The following TLE2 variants were observed in gnomAD, a reference collection of about 807,000 sequenced individuals.
TLE2 encodes transducin-like enhancer protein 2.
A neutral mutation model predicts 97.2 loss-of-function variants in TLE2; 74 were observed. The observed-to-expected ratio is 0.76, with a 90% CI of 0.63 to 0.92. TLE2 has a LOEUF of 0.92. Among genes scored for constraint, TLE2 ranks in the 40% least tolerant of loss-of-function variants. TLE2 has a pLI of 0.00. For synonymous variants in TLE2, 499 were observed against 432.1 expected (o/e 1.15, Z -1.92); for missense variants, 1,038 against 1,008.7 (o/e 1.03, Z -0.39).
upstream of TLE2, chr19:3,029,562 G>GAGGC (rs941304896): frequency 2.5e-4 from 205 of 816,150 alleles, 10 homozygotes; most frequent in Non-Finnish European, 3.0e-4. Flanking sequence ...TGGGAGCGGG[G>GAGGC]GGGGGGGCTT....
At chr19:3,008,637 G>C (rs1196100924) in intron 14 of TLE2, among the ~76,000 whole-genome samples, 1 of 152,152 alleles carries the variant, frequency 6.6e-6, no homozygotes. Flanking sequence ...TTTTAGCAGA[G>C]ACATGGTTTT....
At chr19:3,012,915 C>G (rs2089627419) in intron 11 of TLE2, among the ~76,000 whole-genome samples, 1 of 152,250 alleles carries the variant, frequency 6.6e-6, no homozygotes, top group Middle Eastern at 3.4e-3. Flanking sequence ...AGGGAGGACC[C>G]CTGAGGGCTT....
chr19:2,997,784 G>A lies in TLE2; in HGVS notation c.*64C>T. ...AGGGCTGGGAGGCGGCTGCTAGGAT[G>A]TCTGTCCTGGCTGCTGATTCCCCTG... On this transcript the variant is annotated 3_prime_UTR_variant, in exon 20 of 20. Transcript: ENST00000262953. 8.0e-7 allele frequency: 1 copy of A among 1,249,172 alleles called. No individual in the cohort carries two copies. Among genetic ancestry groups the A allele is most frequent in the African/African-American group, 1.5e-5 (1 of 67,132 alleles). The allele number at this position is 1,249,172 out of a possible 1,614,324, so 77.4% of individuals were successfully genotyped here. A position where few individuals can be genotyped will look rare whatever the true frequency, so the allele number is the denominator to read the frequency against.
At chr19:3,005,183 G>A (rs1057307078) in intron 17 of TLE2, among the ~76,000 whole-genome samples, 1 of 152,162 alleles carries the variant, frequency 6.6e-6, no homozygotes, top group African/African-American at 2.4e-5. Context: ...CTGGACAAAA[G>A]CAGGTGGGGA....
In TLE2 at chr19:3,019,814, C is replaced by T; in HGVS notation, c.295-41G>A. 1 of 1,593,108 alleles carries T rather than the reference C, an allele frequency of 6.3e-7. No homozygotes were observed. Among genetic ancestry groups the T allele is most frequent in the Non-Finnish European group, 8.5e-7 (1 of 1,171,002 alleles). ...GATCAGGTAGAGGGTACATTGAGCC[C>T]CTGCTCATGCTAGCGGTGCCCTTGG... On this transcript the variant is annotated intron_variant, in intron 5 of 19. Coordinates refer to ENST00000262953, the MANE Select transcript of TLE2 (RefSeq NM_003260.5). The surrounding 1 kb of genome is among the most constrained non-coding windows in gnomAD (Gnocchi z 5.1).
At chr19:3,021,607 T>C (rs1002610927) in intron 5 of TLE2, among the ~76,000 whole-genome samples, 4 of 152,018 alleles carry the variant, frequency 2.6e-5, no homozygotes, top group Admixed American at 2.6e-4. Flanking sequence ...TTTTGAGACG[T>C]AGTCTCACTC....
chr19:3,044,479 G>T (rs1366606661), intron 1 of TLE2, among the ~76,000 whole-genome samples: 1 of 152,162 alleles, frequency 6.6e-6, no homozygotes, highest in East Asian at 1.9e-4. Flanking sequence ...GAGTGCAGTG[G>T]CACGATTTCT....
intron 19 of TLE2, among the ~76,000 whole-genome samples, chr19:2,999,421 A>G (rs929818876): frequency 1.3e-5 from 2 of 152,164 alleles, no homozygotes; most frequent in African/African-American, 4.8e-5. Context: ...ATCACTGCTG[A>G]TGGGGATATA....
Position 3,006,447 on chromosome 19 carries a change from C to T in TLE2, c.1473G>A (p.Lys491=). ...GGCAGTCGAGCTGGGCCACGGGCGT[C>T]TTGGCCCCAGGCTGGCCCACGTCCC... ...KVWDVGQPGA[K]TPVAQLDCLN... is the part of the protein sequence containing the mutation. Residue 491 remains lysine (K), a synonymous_variant, in exon 15 of 20, where the codon AAG becomes AAA. Transcript: ENST00000262953. The T allele has an allele frequency of 1.2e-6, 2 of 1,610,704 alleles. No individual in the cohort carries two copies. Among genetic ancestry groups the T allele is most frequent in the South Asian group, 1.1e-5 (1 of 90,874 alleles).
At chr19:3,005,682 C>A (rs776077156) in intron 16 of TLE2, 39 bp downstream of exon 16, 1 of 1,607,760 alleles carries the variant, frequency 6.2e-7, no homozygotes, top group Non-Finnish European at 8.5e-7. Flanking sequence ...CGAGAGCGGC[C>A]GGGGGCTTGC....
At chr19:3,041,922 CG>C (rs1056459853) in intron 1 of TLE2, among the ~76,000 whole-genome samples, 11 of 77,876 alleles carry the variant, frequency 1.4e-4, no homozygotes, top group South Asian at 2.9e-4. Flanking sequence ...GCTGCCTTTG[CG>C]GGGGGCCCCG....
At chr19:3,018,900 A>C (rs943116952) in intron 7 of TLE2, among the ~76,000 whole-genome samples, 22 of 150,240 alleles carry the variant, frequency 1.5e-4, no homozygotes, top group Non-Finnish European at 1.3e-4. Context: ...TTACAGGCAT[A>C]AGCCACCATG....
At chr19:3,023,941 T>A (rs2089896124) in intron 5 of TLE2, among the ~76,000 whole-genome samples, 1 of 149,878 alleles carries the variant, frequency 6.7e-6, no homozygotes, top group Admixed American at 6.7e-5. Context: ...AAACAGGGAC[T>A]GTGCAAAGGT....
intron 12 of TLE2, among the ~76,000 whole-genome samples, chr19:3,009,978 G>A (rs1318552546): frequency 6.6e-6 from 1 of 151,554 alleles, no homozygotes; most frequent in African/African-American, 2.4e-5. Flanking sequence ...TCTGCCTCCT[G>A]GGTTCAAGCA....
Position 3,002,411 on chromosome 19 carries a change from C to A in TLE2, c.1989G>T (p.Glu663Asp). The A allele has an allele frequency of 1.9e-6, 3 of 1,613,732 alleles. No homozygotes were observed. The highest frequency in any genetic ancestry group is 2.5e-6 in the Non-Finnish European group (3 of 1,179,850). ...TCTCGTGGAGGTGCAGCTGGTATTT[C>A]TCCGGCTTGCGGACGTGCAGGATCT... The part of the protein sequence containing the change: ...NVEILHVRKP[E>D]KYQLHLHESC... Residue 663 changes from glutamate (E) to aspartate (D), a missense_variant, in exon 18 of 20, where the codon GAG becomes GAT. By Grantham distance (45) the Glu-to-Asp change is conservative. Coordinates refer to ENST00000262953, the MANE Select transcript of TLE2 (RefSeq NM_003260.5).
In TLE2 at chr19:3,041,304, G is replaced by A. The variant is rs546153717; in HGVS notation, c.63+4422C>T. On this transcript the variant is annotated intron_variant, in intron 1 of 18. Transcript: ENST00000426948. ...AGCCTCCCAAAGTGCTGGGATTACA[G>A]GAGTGAGCCCCCGCGCCCAGCCTGC... Among the ~76,000 whole-genome samples the A allele has an allele frequency of 3.3e-5, 5 of 152,126 alleles. No individual in the cohort carries two copies. In the South Asian group the frequency reaches 1.0e-3, roughly 32 times the overall value.
upstream of TLE2, among the ~76,000 whole-genome samples, chr19:3,032,015 A>G (rs908805897): frequency 2.9e-5 from 4 of 135,920 alleles, no homozygotes; most frequent in Non-Finnish European, 4.8e-5. The surrounding 1 kb of genome is among the most constrained non-coding windows in gnomAD (Gnocchi z 4.1). Context: ...GCTGCAACCT[A>G]TGCCTCCCGG....
chr19:3,047,240 G>A (rs1256910432), upstream of TLE2, among the ~76,000 whole-genome samples: 1 of 129,948 alleles, frequency 7.7e-6, no homozygotes, highest in Non-Finnish European at 1.6e-5. Flanking sequence ...TCAATTAGCC[G>A]AGGTCGCCCG....
intron 1 of TLE2, among the ~76,000 whole-genome samples, chr19:3,045,138 C>T (rs754149830): frequency 1.4e-4 from 21 of 152,152 alleles, no homozygotes; most frequent in Non-Finnish European, 2.2e-4. Flanking sequence ...CACCTGAGCC[C>T]GGGAGGTTGA....
Sources: allele counts gnomAD v4.1 joint callset (sites outside exome capture counted in the v4.1 genomes callset), GRCh38; gene constraint gnomAD v4.1.1; non-coding constraint Gnocchi (gnomAD v3.1); transcripts MANE v1.5; gene names NCBI Gene and HGNC (gene_info 2026-07-23, HGNC 2026-07-21).